The following DLGAP2 variants were observed in gnomAD, a reference collection of about 807,000 sequenced individuals.
The protein encoded by DLGAP2 is disks large-associated protein 2.
A neutral mutation model predicts 100.3 loss-of-function variants in DLGAP2; 26 were observed. That is an observed-to-expected ratio of 0.26 (90% CI 0.19 to 0.36). The LOEUF is 0.36. DLGAP2 is among the 10% of genes least tolerant of loss of function. The probability of loss-of-function intolerance (pLI) is 1.00; values close to 1 mark genes in which losing one functional copy is unlikely to be tolerated. For missense variants in DLGAP2, 1,858 were observed against 1,453.2 expected (o/e 1.28, Z -4.53); for synonymous variants, 886 against 630.1 (o/e 1.41, Z -6.08).
chr8:1,427,068 T>C (rs1470279590), intron 3 of DLGAP2, among the ~76,000 whole-genome samples: 1 of 152,184 alleles, frequency 6.6e-6, no homozygotes, highest in Non-Finnish European at 1.5e-5. Flanking sequence ...TAATAAACTT[T>C]AGTTAAGGCA....
intron 3 of DLGAP2, among the ~76,000 whole-genome samples, chr8:1,295,573 G>T (rs1159635089): frequency 6.6e-6 from 1 of 152,218 alleles, no homozygotes; most frequent in Non-Finnish European, 1.5e-5. Context: ...CCCCGCTCCT[G>T]GAAACAGCTC....
intron 3 of DLGAP2, among the ~76,000 whole-genome samples, chr8:1,483,957 C>G (rs958061742): frequency 2.6e-5 from 4 of 152,230 alleles, no homozygotes; most frequent in Admixed American, 2.0e-4. Flanking sequence ...AGGTGGGCAA[C>G]AGTGTTCTTG....
intron 2 of DLGAP2, among the ~76,000 whole-genome samples, chr8:944,228 T>G (rs550211705): frequency 2.0e-5 from 3 of 152,234 alleles, no homozygotes; most frequent in South Asian, 4.2e-4. Flanking sequence ...AACCAGTCCC[T>G]GTGGGTGATC....
chr8:1,507,279 G>C (rs928614967), intron 4 of DLGAP2, among the ~76,000 whole-genome samples: 1 of 152,244 alleles, frequency 6.6e-6, no homozygotes, highest in African/African-American at 2.4e-5. Context: ...ATGGCGGGCT[G>C]CAGGTCCCGA....
Position 737,645 on chromosome 8 carries a change from G to A in DLGAP2, c.-163G>A, listed in dbSNP as rs1369306315. The A allele has an allele frequency of 5.7e-6, 2 of 351,236 alleles. No individual in the cohort carries two copies. The highest frequency in any genetic ancestry group is 4.3e-5 in the African/African-American group (2 of 46,548). 21.8% of individuals were successfully genotyped at this position (351,236 alleles called of 1,614,324 possible). A position where few individuals can be genotyped will look rare whatever the true frequency, so the allele number is the denominator to read the frequency against. ...GGCCGTGAAGACCGACCGTGCGCCG[G>A]GCTCGAGCGCGGTCTGAGCGCGCGG... On this transcript the variant is annotated 5_prime_UTR_variant, in exon 1 of 15. Coordinates refer to ENST00000637795, the MANE Select transcript of DLGAP2 (RefSeq NM_001346810.2).
At chr8:905,646 G>C (rs1350764794) in intron 1 of DLGAP2, among the ~76,000 whole-genome samples, 1 of 152,138 alleles carries the variant, frequency 6.6e-6, no homozygotes, top group South Asian at 2.1e-4. Flanking sequence ...CCTCCCGTGA[G>C]CACCTCCAGT....
At chr8:1,288,673 G>A (rs1292605908) in intron 3 of DLGAP2, among the ~76,000 whole-genome samples, 2 of 128,654 alleles carry the variant, frequency 1.6e-5, no homozygotes, top group South Asian at 2.8e-4. Flanking sequence ...AACTTGTTTC[G>A]GTTCAGTGTG....
At chr8:1,163,023 G>T (rs1796921800) in intron 2 of DLGAP2, among the ~76,000 whole-genome samples, 1 of 152,218 alleles carries the variant, frequency 6.6e-6, no homozygotes, top group African/African-American at 2.4e-5. Flanking sequence ...TTTGGTGTTT[G>T]GTGTAGGACT....
intron 2 of DLGAP2, among the ~76,000 whole-genome samples, chr8:1,113,811 C>T (rs538316037): frequency 6.6e-6 from 1 of 152,260 alleles, no homozygotes; most frequent in African/African-American, 2.4e-5. Context: ...TTTACCTATG[C>T]AGTATGATGC....
At chr8:1,434,020 C>G (rs748265293) in intron 3 of DLGAP2, among the ~76,000 whole-genome samples, 1 of 152,122 alleles carries the variant, frequency 6.6e-6, no homozygotes, top group African/African-American at 2.4e-5. Flanking sequence ...CTAAGCCTCT[C>G]CATGCCCTGC....
chr8:1,412,613 C>T (rs529704184), intron 3 of DLGAP2, among the ~76,000 whole-genome samples: 45 of 152,328 alleles, frequency 3.0e-4, no homozygotes, highest in African/African-American at 1.1e-3. Flanking sequence ...CCTCAGTGTC[C>T]TCTTCTGAGA....
At chr8:805,026 C>T (rs1796241607) in intron 1 of DLGAP2, among the ~76,000 whole-genome samples, 2 of 152,180 alleles carry the variant, frequency 1.3e-5, no homozygotes, top group Non-Finnish European at 2.9e-5. Flanking sequence ...CTGCCTTGCC[C>T]TCCCAAATTG....
intron 2 of DLGAP2, among the ~76,000 whole-genome samples, chr8:1,213,947 G>A (rs4492405): frequency 1.3e-3 from 200 of 152,074 alleles, no homozygotes; most frequent in African/African-American, 4.0e-3. Flanking sequence ...TGAGGTTGAC[G>A]GTGTAATTTC....
At chr8:1,246,632 A>G (rs990586097) in intron 2 of DLGAP2, among the ~76,000 whole-genome samples, 5 of 152,262 alleles carry the variant, frequency 3.3e-5, no homozygotes, top group African/African-American at 7.2e-5. Context: ...AGTGAAGACA[A>G]TTGCACCTGC....
chr8:900,053 G>A (rs777672804), intron 1 of DLGAP2, among the ~76,000 whole-genome samples: 6 of 152,248 alleles, frequency 3.9e-5, no homozygotes, highest in Non-Finnish European at 8.8e-5. Flanking sequence ...AACTTCACAT[G>A]TAAAAGTTGT....
At chr8:982,467 C>G (rs532268287) in intron 2 of DLGAP2, among the ~76,000 whole-genome samples, 1 of 152,128 alleles carries the variant, frequency 6.6e-6, no homozygotes, top group South Asian at 2.1e-4. Context: ...TGTGCCTAGA[C>G]CCACAAAGGG....
At chr8:872,600 A>T (rs1019438752) in intron 1 of DLGAP2, among the ~76,000 whole-genome samples, 1 of 152,186 alleles carries the variant, frequency 6.6e-6, no homozygotes, top group African/African-American at 2.4e-5. Context: ...AAGTGCTGGG[A>T]TTACAGGCGT....
chr8:1,150,487 C>G (rs1585104275), intron 2 of DLGAP2, among the ~76,000 whole-genome samples: 1 of 151,796 alleles, frequency 6.6e-6, no homozygotes, highest in East Asian at 1.9e-4. Context: ...AATCTTCTAT[C>G]TGGGAATGCA....
intron 2 of DLGAP2, among the ~76,000 whole-genome samples, chr8:1,183,104 A>C (rs1489279945): frequency 6.6e-6 from 1 of 152,000 alleles, no homozygotes; most frequent in African/African-American, 2.4e-5. Flanking sequence ...AAATGCATTC[A>C]CGTTCGATTC....
Sources: gnomAD v4.1 joint callset for allele counts (sites outside exome capture counted in the v4.1 genomes callset) on GRCh38, gnomAD v4.1.1 for gene constraint, MANE v1.5 for transcripts, NCBI Gene and HGNC (gene_info 2026-07-23, HGNC 2026-07-21) for gene names.